TPRG1: variants seen among roughly 807,000 people sequenced by gnomAD.
TPRG1 encodes the protein tumor protein p63 regulated 1, also known as tumor protein p63-regulated gene 1 protein.
In TPRG1, 29 loss-of-function variants were observed where a neutral mutation model predicts 29.3. The observed-to-expected ratio is 0.99, with a 90% confidence interval of 0.74 to 1.35. The LOEUF (loss-of-function observed/expected upper bound fraction) is 1.35. Among genes scored for constraint, TPRG1 ranks in the 40% most tolerant of loss-of-function variants. TPRG1 has a pLI of 0.00. For missense variants in TPRG1, 327 were observed against 335.0 expected (o/e 0.98, Z 0.19); for synonymous variants, 130 against 116.8 (o/e 1.11, Z -0.73).
At position 189,194,866 on chromosome 3, in the gene TPRG1, A is replaced by T. The variant is rs116710039; in HGVS notation, c.-9-12510A>T. ...AGCATGGCTATTATCTGAGCCCTGG[A>T]GCTGGGCTGGGGACAGCACAGTGAT... is the stretch of plus-strand genomic sequence containing the variant. On this transcript the variant is annotated intron_variant, in intron 1 of 5. Transcript: ENST00000345063. Among the ~76,000 whole-genome samples, 899 of 152,196 alleles carry T rather than the reference A, an allele frequency of 5.9e-3. 10 individuals carry two copies. Among genetic ancestry groups the T allele is most frequent in the African/African-American group, 0.019 (788 of 41,504 alleles).
At chr3:189,125,676 G>A (rs1437373325) in intron 1 of TPRG1, among the ~76,000 whole-genome samples, 2 of 152,060 alleles carry the variant, frequency 1.3e-5, no homozygotes, top group African/African-American at 2.4e-5. Context: ...CAAGCCCCAT[G>A]TTAGGATTCT....
intron 1 of TPRG1, among the ~76,000 whole-genome samples, chr3:189,195,205 C>T (rs1057450802): frequency 6.6e-6 from 1 of 152,056 alleles, no homozygotes; most frequent in African/African-American, 2.4e-5. Context: ...AGCTTAGGTA[C>T]TGGGGTGCAT....
chr3:189,177,930 C>A (rs943000149), intron 1 of TPRG1, among the ~76,000 whole-genome samples: 6 of 152,142 alleles, frequency 3.9e-5, no homozygotes, highest in Admixed American at 3.9e-4. Flanking sequence ...GAGTAGCCAG[C>A]GTGCTGGGTG....
At chr3:189,242,921 GTTTA>G (rs1028000655) in intron 4 of TPRG1, among the ~76,000 whole-genome samples, 11 of 151,730 alleles carry the variant, frequency 7.2e-5, no homozygotes, top group Admixed American at 4.6e-4. Flanking sequence ...GGAATTTGTT[GTTTA>G]TTTAAGTTGT....
intron 4 of TPRG1, among the ~76,000 whole-genome samples, chr3:189,060,348 G>A (rs1716022118): frequency 6.6e-6 from 1 of 152,200 alleles, no homozygotes; most frequent in Admixed American, 6.5e-5. Flanking sequence ...ACTGAATGGA[G>A]AAAAGCTGGA....
chr3:189,076,772 G>A (rs1048065636), intron 4 of TPRG1, among the ~76,000 whole-genome samples: 3 of 151,920 alleles, frequency 2.0e-5, no homozygotes, highest in Non-Finnish European at 4.4e-5. Context: ...CTAGGCAAAT[G>A]TATCACTGTT....
chr3:189,099,652 A>G (rs548299199), upstream of TPRG1, among the ~76,000 whole-genome samples: 333 of 152,148 alleles, frequency 2.2e-3, 1 homozygote, highest in Non-Finnish European at 3.9e-3. Flanking sequence ...GCTATGTAAC[A>G]TGTGGGGCCT....
At chr3:189,277,900 A>T (rs1287961229) in intron 4 of TPRG1, among the ~76,000 whole-genome samples, 2 of 152,254 alleles carry the variant, frequency 1.3e-5, no homozygotes, top group Non-Finnish European at 2.9e-5. Flanking sequence ...TTTTTAAATA[A>T]GATATAGCTG....
intron 1 of TPRG1, among the ~76,000 whole-genome samples, chr3:189,186,121 T>C (rs1730881118): frequency 6.6e-6 from 1 of 152,200 alleles, no homozygotes; most frequent in Non-Finnish European, 1.5e-5. Flanking sequence ...GTATAGTCAA[T>C]AGACAAAGAT....
chr3:189,051,675 C>T (rs1715331262), intron 4 of TPRG1, among the ~76,000 whole-genome samples: 1 of 152,152 alleles, frequency 6.6e-6, no homozygotes, highest in Non-Finnish European at 1.5e-5. Context: ...GGAGACACCA[C>T]ACTACCTGAT....
chr3:189,088,972 C>A (rs1416306809), intron 4 of TPRG1, among the ~76,000 whole-genome samples: 1 of 44,838 alleles, frequency 2.2e-5, no homozygotes, highest in Non-Finnish European at 4.2e-5. Context: ...CTATTGATAT[C>A]TATCTATCTA....
chr3:189,215,068 T>A (rs1406546961), intron 2 of TPRG1, among the ~76,000 whole-genome samples: 3 of 151,920 alleles, frequency 2.0e-5, no homozygotes, highest in Non-Finnish European at 4.4e-5. Context: ...CTGAGTAAGA[T>A]TATAGAAGAT....
intron 4 of TPRG1, among the ~76,000 whole-genome samples, chr3:189,081,723 C>T (rs960034883): frequency 6.6e-6 from 1 of 152,164 alleles, no homozygotes; most frequent in Non-Finnish European, 1.5e-5. Context: ...AACATATGCA[C>T]ATACACTTAC....
intron 1 of TPRG1, among the ~76,000 whole-genome samples, chr3:189,203,725 G>A (rs1352798498): frequency 6.6e-6 from 1 of 152,048 alleles, no homozygotes; most frequent in Non-Finnish European, 1.5e-5. Context: ...TGAATTCCCT[G>A]GAATGAGAAG....
Position 189,283,617 on chromosome 3 carries a change from C to T in TPRG1, c.480-26769C>T, listed in dbSNP as rs80321253. 4.3e-3 allele frequency among the ~76,000 whole-genome samples: 662 copies of T among 152,218 alleles called. 2 individuals carry two copies. The highest frequency in any genetic ancestry group is 7.3e-3 in the Non-Finnish European group (494 of 68,010). ...AATAATATTGGGTGGCTCATGAAAG[C>T]CCAGAGAGAAGGTTTTCTGTTGGGG... On this transcript the variant is annotated intron_variant, in intron 4 of 5. Transcript: ENST00000345063.
At chr3:189,295,933 C>G (rs955387885) in intron 4 of TPRG1, among the ~76,000 whole-genome samples, 11 of 125,262 alleles carry the variant, frequency 8.8e-5, no homozygotes, top group Admixed American at 5.0e-4. Flanking sequence ...AAAAAAAAAA[C>G]ATTTAGACTG....
At chr3:189,161,482 T>C (rs1727482658) in intron 5 of TPRG1, among the ~76,000 whole-genome samples, 1 of 152,064 alleles carries the variant, frequency 6.6e-6, no homozygotes, top group South Asian at 2.1e-4. Context: ...TTATTATTAT[T>C]ATTCTTGTCC....
intron 4 of TPRG1, among the ~76,000 whole-genome samples, chr3:189,262,991 G>A (rs1470725436): frequency 1.3e-5 from 2 of 152,244 alleles, no homozygotes; most frequent in Non-Finnish European, 2.9e-5. Flanking sequence ...GAGAGAGAAT[G>A]AGACGTTGAG....
At chr3:189,276,829 C>A (rs1398028387) in intron 4 of TPRG1, among the ~76,000 whole-genome samples, 1 of 152,026 alleles carries the variant, frequency 6.6e-6, no homozygotes. Flanking sequence ...TGGGAAGAGA[C>A]CAAGAGAGGC....
Sources: gnomAD v4.1 joint callset for allele counts (sites outside exome capture counted in the v4.1 genomes callset) on GRCh38, gnomAD v4.1.1 for gene constraint, MANE v1.5 for transcripts, NCBI Gene and HGNC (gene_info 2026-07-23, HGNC 2026-07-21) for gene names.